Variants in FAM91A1 observed in about 807,000 individuals in gnomAD.
The protein encoded by FAM91A1 is family with sequence similarity 91 member A1.
A neutral mutation model predicts 113.5 loss-of-function variants in FAM91A1; 41 were observed. The ratio of observed to expected loss-of-function variants is 0.36; its 90% CI spans 0.28 to 0.47. The LOEUF (loss-of-function observed/expected upper bound fraction) is 0.47, where lower values mean the gene tolerates loss of function less well. Ranked by LOEUF, FAM91A1 falls within the 20% of genes least tolerant of loss-of-function variation. The pLI is 1.00. For missense variants in FAM91A1, 696 were observed against 1,001.2 expected (o/e 0.70, Z 4.11); for synonymous variants, 307 against 347.9 (o/e 0.88, Z 1.31).
chr8:123,772,754 A>G (rs187593367), intron 1 of FAM91A1, among the ~76,000 whole-genome samples: 77 of 152,354 alleles, frequency 5.1e-4, no homozygotes, highest in African/African-American at 1.5e-3. Flanking sequence ...CTAATAGCCT[A>G]TAACTGTTGA....
chr8:123,792,151 G>A (rs1002374738), intron 15 of FAM91A1, among the ~76,000 whole-genome samples: 1 of 152,060 alleles, frequency 6.6e-6, no homozygotes, highest in African/African-American at 2.4e-5. Context: ...CTCCAGCCTG[G>A]GTGACAGACT....
intron 20 of FAM91A1, among the ~76,000 whole-genome samples, chr8:123,807,480 CAAAAAAAAA>C (rs546080328): frequency 3.4e-5 from 2 of 58,944 alleles, no homozygotes; most frequent in African/African-American, 5.5e-5. Flanking sequence ...CCTGTCTCTA[CAAAAAAAAA>C]AAAAAAAAAA....
At chr8:123,790,827 G>A (rs1815366399) in intron 15 of FAM91A1, among the ~76,000 whole-genome samples, 1 of 152,096 alleles carries the variant, frequency 6.6e-6, no homozygotes, top group African/African-American at 2.4e-5. Context: ...TTACATACTG[G>A]GGCTTTTGAG....
At position 123,798,061 on chromosome 8, in the gene FAM91A1, TTC is replaced by T. The variant is rs1323171573; in HGVS notation, c.1412-27_1412-26del. Reference sequence around the variant, plus strand: ...TTTGTTTCACACTCTCAGTCTTTTATTCTGTGTGTGTGCTTGATCATAACTCA... The same window carrying T: ...TTTGTTTCACACTCTCAGTCTTTTATTGTGTGTGTGCTTGATCATAACTCA... On this transcript the variant is annotated intron_variant, in intron 15 of 23. Transcript: ENST00000334705. 4 of 1,586,812 alleles carry T rather than the reference TTC, an allele frequency of 2.5e-6. No homozygotes were observed. In the Admixed American group the frequency reaches 7.2e-5, roughly 28 times the overall value.
At position 123,778,005 on chromosome 8, in the gene FAM91A1, G is replaced by A; in HGVS notation, c.368-20G>A. 1 of 1,603,600 alleles carries A rather than the reference G, an allele frequency of 6.2e-7. No homozygotes were observed. The highest frequency in any genetic ancestry group is 8.5e-7 in the Non-Finnish European group (1 of 1,172,382). On this transcript the variant is annotated intron_variant, in intron 4 of 23. Coordinates refer to ENST00000334705, the MANE Select transcript of FAM91A1 (RefSeq NM_144963.4). ...TCAAGATATGTTAAATGTTTTTAAAGGAAAGACTCTTTTTTTCAGGTCTAA... is the reference window on the plus strand; with the variant it reads ...TCAAGATATGTTAAATGTTTTTAAAAGAAAGACTCTTTTTTTCAGGTCTAA...
intron 20 of FAM91A1, among the ~76,000 whole-genome samples, chr8:123,806,614 T>C (rs1815819566): frequency 6.6e-6 from 1 of 152,224 alleles, no homozygotes; most frequent in Non-Finnish European, 1.5e-5. Context: ...GTCTTAATTA[T>C]CTAGGTCTAA....
Position 123,768,558 on chromosome 8 carries a change from C to T in FAM91A1, c.-145C>T, listed in dbSNP as rs1586362386. 1 of 653,544 alleles carries T rather than the reference C, an allele frequency of 1.5e-6. No individual in the cohort carries two copies. The highest frequency in any genetic ancestry group is 3.1e-5 in the East Asian group (1 of 32,256). 40.5% of individuals were successfully genotyped at this position (653,544 alleles called of 1,614,324 possible). On this transcript the variant is annotated 5_prime_UTR_variant, in exon 1 of 24. Coordinates refer to ENST00000334705, the MANE Select transcript of FAM91A1 (RefSeq NM_144963.4). The stretch of plus-strand genomic sequence containing the variant: ...CGGGCGGCGCTGAACTGTCGGGAGC[C>T]TAGGCCATGGGGCAGCCTGGGCCTT...
rs1324659094 is a variant in FAM91A1 at position 123,799,643 on chromosome 8, G to T, written c.1684G>T (p.Asp562Tyr). ...AGGTACAAGACTTCGAAAACTGCCA[G>T]ATATATTTCAGGTATGTGTGGGAGG... Reference protein sequence around the residue: ...SKGTRLRKLPDIFQSYDRLLI... With the variant: ...SKGTRLRKLPYIFQSYDRLLI... The change falls in exon 17 of 24, where the codon GAT (aspartate) becomes TAT (tyrosine). Residue 562 changes from aspartate to tyrosine, a missense_variant. By Grantham distance (160) the Asp-to-Tyr change is radical (BLOSUM62 -3). Coordinates refer to ENST00000334705, the MANE Select transcript of FAM91A1 (RefSeq NM_144963.4). The T allele has an allele frequency of 4.5e-5, 72 of 1,613,886 alleles. No individual in the cohort carries two copies. The highest frequency in any genetic ancestry group is 5.8e-5 in the Non-Finnish European group (68 of 1,179,962).
chr8:123,811,850 T>C (rs1233992183), intron 23 of FAM91A1, among the ~76,000 whole-genome samples: 1 of 152,028 alleles, frequency 6.6e-6, no homozygotes, highest in African/African-American at 2.4e-5. Context: ...GCTTAGTGTT[T>C]TGTAAGGTTT....
chr8:123,775,429 G>T, intron 3 of FAM91A1, 131 bp downstream of exon 3: 1 of 1,123,808 alleles, frequency 8.9e-7, no homozygotes. Flanking sequence ...AGTGTAAAAA[G>T]GACTATTGGT....
At position 123,787,250 on chromosome 8, in the gene FAM91A1, G is replaced by C; in HGVS notation, c.1079-11G>C. ...TCCATTTACTTGATTTTAAATTATG[G>C]TGTTTTTCAGCTGACACAGCCAGTG... On this transcript the variant is annotated splice_polypyrimidine_tract_variant and intron_variant, in intron 12 of 23. Transcript: ENST00000334705. The C allele has an allele frequency of 4.4e-6, 7 of 1,579,786 alleles. No homozygotes were observed. Among genetic ancestry groups the C allele is most frequent in the Non-Finnish European group, 6.1e-6 (7 of 1,155,056 alleles).
chr8:123,769,360 A>G (rs990401475), intron 1 of FAM91A1, among the ~76,000 whole-genome samples: 12 of 152,204 alleles, frequency 7.9e-5, no homozygotes, highest in African/African-American at 2.9e-4. Context: ...GTAGCAAGTG[A>G]CTGTATCACC....
In FAM91A1 at chr8:123,812,926, C is replaced by T. The variant is rs554728081; in HGVS notation, c.*222C>T. The T allele has an allele frequency of 5.2e-6, 2 of 387,154 alleles. No individual in the cohort carries two copies. Among genetic ancestry groups the T allele is most frequent in the East Asian group, 8.0e-5 (2 of 24,978 alleles). The allele number at this position is 387,154 out of a possible 1,614,324, so 24.0% of individuals were successfully genotyped here. A position where few individuals can be genotyped will look rare whatever the true frequency, so the allele number is the denominator to read the frequency against. On this transcript the variant is annotated 3_prime_UTR_variant, in exon 24 of 24. Transcript: ENST00000334705. Reference sequence around the variant, plus strand: ...TAGCAGCCAGCACTGTATTTTTTACCTTGAGACAATCTGCATTTCTTTTAT... The same window carrying T: ...TAGCAGCCAGCACTGTATTTTTTACTTTGAGACAATCTGCATTTCTTTTAT...
chr8:123,777,451 A>G (rs1815013624), intron 4 of FAM91A1, 129 bp downstream of exon 4: 2 of 767,410 alleles, frequency 2.6e-6, no homozygotes, highest in Non-Finnish European at 2.1e-6. Flanking sequence ...AAGCAACATT[A>G]TCAGTGAGAA....
rs1814761903 is a variant in FAM91A1 at position 123,768,617 on chromosome 8, T to G, written c.-86T>G. 4 of 1,258,092 alleles carry G rather than the reference T, an allele frequency of 3.2e-6. No individual in the cohort carries two copies. Among genetic ancestry groups the G allele is most frequent in the Non-Finnish European group, 4.3e-6 (4 of 921,186 alleles). The allele number at this position is 1,258,092 out of a possible 1,614,324, so 77.9% of individuals were successfully genotyped here. A position where few individuals can be genotyped will look rare whatever the true frequency, so the allele number is the denominator to read the frequency against. ...TGAGGCGCGGGGCCTCCCGCGTCGC[T>G]CCGCTGACAGGCTGCGGGCGGGCAG... On this transcript the variant is annotated 5_prime_UTR_variant, in exon 1 of 24. Transcript: ENST00000334705.
intron 4 of FAM91A1, among the ~76,000 whole-genome samples, chr8:123,777,790 C>G (rs530706171): frequency 6.6e-6 from 1 of 152,302 alleles, no homozygotes; most frequent in South Asian, 2.1e-4. Flanking sequence ...CTAAAATTGG[C>G]AGGACTTCTG....
intron 8 of FAM91A1, among the ~76,000 whole-genome samples, chr8:123,782,671 G>GT (rs1234830365): frequency 6.6e-6 from 1 of 152,114 alleles, no homozygotes; most frequent in Non-Finnish European, 1.5e-5. Flanking sequence ...TTTGCAGTTT[G>GT]TTTGGAACTT....
At chr8:123,775,738 G>T (rs1349798841) in intron 3 of FAM91A1, among the ~76,000 whole-genome samples, 1 of 152,282 alleles carries the variant, frequency 6.6e-6, no homozygotes, top group Non-Finnish European at 1.5e-5. Context: ...AGGCCAAGGT[G>T]GGTGGATCAT....
intron 1 of FAM91A1, among the ~76,000 whole-genome samples, chr8:123,773,248 T>A (rs1346778924): frequency 6.6e-6 from 1 of 152,228 alleles, no homozygotes; most frequent in Admixed American, 6.5e-5. Context: ...TGGTTTTGGC[T>A]TACCTATGAG....
Sources: gnomAD v4.1 joint callset for allele counts (sites outside exome capture counted in the v4.1 genomes callset) on GRCh38, gnomAD v4.1.1 for gene constraint, MANE v1.5 for transcripts, NCBI Gene and HGNC (gene_info 2026-07-23, HGNC 2026-07-21) for gene names.